The following SAMD5 variants were observed in gnomAD, a reference collection of about 807,000 sequenced individuals.
The protein encoded by SAMD5 is sterile alpha motif domain-containing protein 5.
SAMD5 carries 13 observed loss-of-function variants against 11.3 expected under a neutral mutation model. That is an observed-to-expected ratio of 1.15 (90% CI 0.75 to 1.83). SAMD5 has a LOEUF of 1.83. SAMD5 is among the 40% of genes most tolerant of loss of function. SAMD5 has a pLI of 0.00. For synonymous variants in SAMD5, 129 were observed against 111.3 expected, an observed-to-expected ratio of 1.16 and a Z score of -1.00; for missense variants, 255 against 239.1, an observed-to-expected ratio of 1.07 and a Z score of -0.44.
chr6:147,814,012 T>A, the SAMD5 span, among the ~76,000 whole-genome samples: 1 of 152,230 alleles, frequency 6.6e-6, no homozygotes, highest in East Asian at 1.9e-4. Context: ...CGTTTTTCTT[T>A]GAAGTTAAAG....
In SAMD5 at chr6:147,725,822, A is replaced by C. The variant is rs141990081; in HGVS notation, c.163-11495A>C. ...TACATCTGGTTACTATTTTAGGAAG[A>C]GAAAAAAGAGTGGCAGGACAAAAGG... On this transcript the variant is annotated intron_variant, in intron 1 of 1. Coordinates refer to the SAMD5 transcript ENST00000566741. Among the ~76,000 whole-genome samples, 1,045 of 152,352 alleles carry C rather than the reference A, an allele frequency of 6.9e-3. 11 individuals are homozygous for C. The highest frequency in any genetic ancestry group is 0.024 in the African/African-American group (998 of 41,588).
At chr6:147,603,192 G>A (rs1012980090) in intron 1 of SAMD5, among the ~76,000 whole-genome samples, 8 of 152,046 alleles carry the variant, frequency 5.3e-5, no homozygotes, top group Non-Finnish European at 2.9e-5. Flanking sequence ...TTATTTCAGG[G>A]TAATTACAAC....
chr6:147,643,555 T>G (rs1187631454), intron 1 of SAMD5, among the ~76,000 whole-genome samples: 1 of 152,166 alleles, frequency 6.6e-6, no homozygotes, highest in Non-Finnish European at 1.5e-5. Flanking sequence ...AATCTCTAAC[T>G]GGAAAATCTC....
At chr6:147,611,648 T>C (rs1789788481) in intron 1 of SAMD5, among the ~76,000 whole-genome samples, 1 of 152,154 alleles carries the variant, frequency 6.6e-6, no homozygotes, top group African/African-American at 2.4e-5. Flanking sequence ...GTTTTCATAA[T>C]GTGAAACGTG....
Position 147,564,956 on chromosome 6 carries a change from A to C in SAMD5, c.*500A>C, listed in dbSNP as rs559830391. 1.0e-4 allele frequency: 83 copies of C among 808,408 alleles called. No individual in the cohort carries two copies. The highest frequency in any genetic ancestry group is 6.4e-4 in the Middle Eastern group (1 of 1,570). 50.1% of individuals were successfully genotyped at this position (808,408 alleles called of 1,614,324 possible). ...TCATATAGGACCATGTTTTTATAAGATAAGATACATAATTCTATGTAGAAT... is the reference window on the plus strand; with the variant it reads ...TCATATAGGACCATGTTTTTATAAGCTAAGATACATAATTCTATGTAGAAT... On this transcript the variant is annotated 3_prime_UTR_variant, in exon 2 of 2. Coordinates refer to ENST00000367474, the MANE Select transcript of SAMD5 (RefSeq NM_001030060.3).
chr6:147,677,017 TAAAG>T (rs10597545), intron 1 of SAMD5, among the ~76,000 whole-genome samples: 3,301 of 152,258 alleles, frequency 0.022, 69 homozygotes, highest in South Asian at 0.062. Flanking sequence ...TTTTCTTTCT[TAAAG>T]AAAGACAGTG....
At chr6:147,703,077 T>C (rs58090155) in intron 1 of SAMD5, among the ~76,000 whole-genome samples, 2,953 of 152,218 alleles carry the variant, frequency 0.019, 93 homozygotes, top group African/African-American at 0.067. Flanking sequence ...TTGTTTTGTT[T>C]TGTTTTTTGA....
intron 1 of SAMD5, among the ~76,000 whole-genome samples, chr6:147,599,035 G>A (rs987733866): frequency 2.0e-5 from 3 of 152,218 alleles, no homozygotes; most frequent in African/African-American, 7.2e-5. Context: ...GTGGTCAGTG[G>A]AGCAGGAGGA....
chr6:147,803,305 G>T, the SAMD5 span, among the ~76,000 whole-genome samples: 3 of 151,976 alleles, frequency 2.0e-5, no homozygotes, highest in Non-Finnish European at 4.4e-5. Flanking sequence ...AAAAGATCCT[G>T]ATCATTCCAC....
the SAMD5 span, among the ~76,000 whole-genome samples, chr6:147,871,591 C>T: frequency 6.6e-6 from 1 of 152,194 alleles, no homozygotes; most frequent in African/African-American, 2.4e-5. Flanking sequence ...CTTCTCTTCA[C>T]TTTATCAGAA....
Position 147,568,281 on chromosome 6 carries a change from G to A in SAMD5, c.*3825G>A. ...AGCACCTGCTTGAAAATTGATATGA[G>A]CATGTCTGAATTTTTCCCTTATAAG... On this transcript the variant is annotated 3_prime_UTR_variant, in exon 2 of 2. Coordinates refer to ENST00000367474, the MANE Select transcript of SAMD5 (RefSeq NM_001030060.3). 1.0e-6 allele frequency: 1 copy of A among 985,292 alleles called. No homozygotes were observed. Among genetic ancestry groups the A allele is most frequent in the Non-Finnish European group, 1.2e-6 (1 of 829,858 alleles). The allele number at this position is 985,292 out of a possible 1,614,324, so 61.0% of individuals were successfully genotyped here.
At chr6:147,669,453 A>T (rs1790766532) in intron 1 of SAMD5, among the ~76,000 whole-genome samples, 1 of 108,310 alleles carries the variant, frequency 9.2e-6, no homozygotes, top group South Asian at 3.2e-4. Flanking sequence ...TTTGAGACAG[A>T]GTTTCATGCT....
the SAMD5 span, among the ~76,000 whole-genome samples, chr6:147,884,043 TTTCTTCTA>T: frequency 6.6e-6 from 1 of 152,234 alleles, no homozygotes; most frequent in East Asian, 1.9e-4. Flanking sequence ...TTTTAGTATT[TTTCTTCTA>T]TAGTCGTTTT....
chr6:147,769,780 A>T, the SAMD5 span, among the ~76,000 whole-genome samples: 18 of 152,208 alleles, frequency 1.2e-4, no homozygotes. Context: ...TGGGTTTGTC[A>T]TACTTGGCCA....
chr6:147,884,105 C>T, the SAMD5 span, among the ~76,000 whole-genome samples: 1 of 152,114 alleles, frequency 6.6e-6, no homozygotes, highest in Admixed American at 6.6e-5. Context: ...CATTTTTCCC[C>T]TTGGCCATCT....
chr6:147,934,684 C>G, the SAMD5 span, among the ~76,000 whole-genome samples: 1 of 151,990 alleles, frequency 6.6e-6, no homozygotes, highest in Non-Finnish European at 1.5e-5. Context: ...CAAAACAGAA[C>G]CTATGGACCT....
chr6:147,643,441 C>A (rs1277397358), intron 1 of SAMD5, among the ~76,000 whole-genome samples: 3 of 152,042 alleles, frequency 2.0e-5, no homozygotes, highest in African/African-American at 4.8e-5. Flanking sequence ...TGTAGTAGTT[C>A]TATTCCTTCA....
At chr6:147,800,788 G>A in the SAMD5 span, among the ~76,000 whole-genome samples, 1 of 152,220 alleles carries the variant, frequency 6.6e-6, no homozygotes, top group South Asian at 2.1e-4. Flanking sequence ...CATAAATAAT[G>A]TTTAGAACCT....
intron 1 of SAMD5, among the ~76,000 whole-genome samples, chr6:147,661,921 G>A (rs1271631221): frequency 6.6e-6 from 1 of 152,202 alleles, no homozygotes; most frequent in East Asian, 1.9e-4. Flanking sequence ...GAGCCACCAC[G>A]CCCGGCGCGA....
Sources: allele counts gnomAD v4.1 joint callset (sites outside exome capture counted in the v4.1 genomes callset), GRCh38; gene constraint gnomAD v4.1.1; transcripts MANE v1.5; gene names NCBI Gene and HGNC (gene_info 2026-07-23, HGNC 2026-07-21).